Variants in PDE8B observed in about 807,000 individuals in gnomAD.
PDE8B encodes the protein high affinity cAMP-specific and IBMX-insensitive 3',5'-cyclic phosphodiesterase 8B.
Under a neutral mutation model 101.3 loss-of-function variants are expected in PDE8B, and 26 were observed. That is an observed-to-expected ratio of 0.26 (90% CI 0.19 to 0.36). PDE8B has a LOEUF of 0.36. PDE8B is among the 10% of genes least tolerant of loss of function. The pLI is 1.00. For missense variants in PDE8B, 810 were observed against 1,163.1 expected, an observed-to-expected ratio of 0.70 and a Z score of 4.42; for synonymous variants, 424 against 429.3, an observed-to-expected ratio of 0.99 and a Z score of 0.15.
At chr5:77,292,132 T>G in intron 1 of PDE8B, among the ~76,000 whole-genome samples, 1 of 152,110 alleles carries the variant, frequency 6.6e-6, no homozygotes, top group Non-Finnish European at 1.5e-5. Context: ...TAATGATGTA[T>G]TAAATTAAAC....
At chr5:77,096,345 C>G in the PDE8B span, among the ~76,000 whole-genome samples, 1 of 152,058 alleles carries the variant, frequency 6.6e-6, no homozygotes, top group Non-Finnish European at 1.5e-5. Flanking sequence ...CTTACCATTC[C>G]CTAGCTTCTG....
chr5:77,306,275 A>C (rs1316076791), intron 1 of PDE8B, among the ~76,000 whole-genome samples: 2 of 152,208 alleles, frequency 1.3e-5, no homozygotes, highest in Non-Finnish European at 2.9e-5. Context: ...ATGAAGTCTC[A>C]ATCTTCACTC....
At chr5:77,152,752 C>T in the PDE8B span, among the ~76,000 whole-genome samples, 2 of 152,034 alleles carry the variant, frequency 1.3e-5, no homozygotes, top group Non-Finnish European at 2.9e-5. Context: ...AGCCTGCCCA[C>T]CCAACCCTGC....
intron 10 of PDE8B, among the ~76,000 whole-genome samples, chr5:77,367,461 G>C (rs1181297965): frequency 6.6e-6 from 1 of 151,814 alleles, no homozygotes; most frequent in Admixed American, 6.6e-5. Flanking sequence ...TAGTCTTCCT[G>C]GTGATGACCT....
the PDE8B span, among the ~76,000 whole-genome samples, chr5:77,185,717 T>C: frequency 6.6e-6 from 1 of 152,118 alleles, no homozygotes; most frequent in Non-Finnish European, 1.5e-5. Flanking sequence ...ATCCATCTCC[T>C]CCTGTCCCCC....
chr5:77,169,747 G>A, the PDE8B span, among the ~76,000 whole-genome samples: 1 of 152,116 alleles, frequency 6.6e-6, no homozygotes, highest in Non-Finnish European at 1.5e-5. Context: ...CCTCCAGTTT[G>A]TCTTAGACAC....
chr5:77,119,826 A>G, the PDE8B span, among the ~76,000 whole-genome samples: 1 of 152,058 alleles, frequency 6.6e-6, no homozygotes, highest in African/African-American at 2.4e-5. Flanking sequence ...CCTGGGGAAC[A>G]TAGCAAGACC....
intron 8 of PDE8B, among the ~76,000 whole-genome samples, chr5:77,350,804 A>AGGGC (rs1185168545): frequency 6.6e-6 from 1 of 152,224 alleles, no homozygotes; most frequent in Non-Finnish European, 1.5e-5. Context: ...CAGCAGCCAT[A>AGGGC]GGGCTGAGAG....
At chr5:77,178,832 T>C in the PDE8B span, among the ~76,000 whole-genome samples, 4 of 152,338 alleles carry the variant, frequency 2.6e-5, no homozygotes, top group South Asian at 8.3e-4. Flanking sequence ...ATTTACCTCC[T>C]TTCAGTTTGT....
intron 17 of PDE8B, among the ~76,000 whole-genome samples, chr5:77,414,423 A>T (rs1397010726): frequency 6.6e-6 from 1 of 151,834 alleles, no homozygotes; most frequent in Middle Eastern, 3.2e-3. Flanking sequence ...CTTTTTTAAA[A>T]TTTTTTTATT....
intron 10 of PDE8B, among the ~76,000 whole-genome samples, chr5:77,375,314 A>G (rs1042638656): frequency 2.6e-5 from 4 of 152,220 alleles, no homozygotes; most frequent in African/African-American, 7.2e-5. Context: ...TGGAGGCACA[A>G]GATGAATCGC....
At chr5:77,362,709 C>T (rs1277598549) in intron 10 of PDE8B, among the ~76,000 whole-genome samples, 3 of 152,220 alleles carry the variant, frequency 2.0e-5, no homozygotes, top group African/African-American at 7.2e-5. Context: ...TCCCTGCCAC[C>T]TTCCCAAGTC....
chr5:77,139,532 C>G, the PDE8B span: 1 of 152,244 alleles, frequency 6.6e-6, no homozygotes, highest in Non-Finnish European at 1.5e-5. Context: ...GTCACTGTCA[C>G]TTCAAATATT....
In PDE8B at chr5:77,344,917, G is replaced by T; in HGVS notation, c.862G>T (p.Asp288Tyr). The change falls in exon 7 of 22, where the codon GAC becomes TAC. Residue 288 changes from aspartate to tyrosine, a missense_variant. By Grantham distance (160) the Asp-to-Tyr change is radical. This residue lies in a region of PDE8B where 251 missense variants were observed against 378.8 expected (regional missense o/e 0.66). Transcript: ENST00000264917. ...TGAAGCCATAGAAATAACAAGCGAT[G>T]ACCACGTGATTCAGGTATGGAAAGA... ...CHEAIEITSDDHVIQYVNPAF... is the reference protein window; with the variant it reads ...CHEAIEITSDYHVIQYVNPAF... 6.2e-7 allele frequency: 1 copy of T among 1,607,962 alleles called. No individual in the cohort carries two copies. The highest frequency in any genetic ancestry group is 1.1e-5 in the South Asian group (1 of 90,920).
chr5:77,300,354 C>T (rs1422541759), intron 1 of PDE8B, among the ~76,000 whole-genome samples: 1 of 152,196 alleles, frequency 6.6e-6, no homozygotes, highest in Non-Finnish European at 1.5e-5. Flanking sequence ...TCTTTTAGGA[C>T]TTACTTAACC....
the PDE8B span, among the ~76,000 whole-genome samples, chr5:77,182,569 T>G: frequency 6.6e-6 from 1 of 152,134 alleles, no homozygotes; most frequent in African/African-American, 2.4e-5. Flanking sequence ...AGCCCAGTCT[T>G]GCAGAGCTCA....
Position 77,302,392 on chromosome 5 carries a change from G to A in PDE8B, c.340-9602G>A, listed in dbSNP as rs543820127. The stretch of plus-strand genomic sequence containing the variant: ...AAGGAAGGAGAGGGCATGGGTAGGG[G>A]GCAGTGTAAGATGCTGTGCTGGAAA... On this transcript the variant is annotated intron_variant, in intron 1 of 21. Transcript: ENST00000264917. Among the ~76,000 whole-genome samples the A allele has an allele frequency of 1.4e-4, 22 of 152,268 alleles. No individual in the cohort carries two copies. The South Asian group carries it at 4.4e-3, about 30-fold the overall frequency.
At chr5:77,221,310 A>G (rs1201381793) in intron 1 of PDE8B, among the ~76,000 whole-genome samples, 2 of 152,112 alleles carry the variant, frequency 1.3e-5, no homozygotes, top group African/African-American at 4.8e-5. Context: ...TTGTTTGTTG[A>G]GGAACCTGGG....
At chr5:77,216,593 A>C (rs12153049) in intron 1 of PDE8B, among the ~76,000 whole-genome samples, 51,558 of 152,046 alleles carry the variant, frequency 0.34, 8,944 homozygotes, top group African/African-American at 0.38. Flanking sequence ...AGATTTGGGT[A>C]GGGACACAGC....
Sources: allele counts gnomAD v4.1 joint callset (sites outside exome capture counted in the v4.1 genomes callset), GRCh38; gene constraint gnomAD v4.1.1; regional missense constraint gnomAD v4.1.1; transcripts MANE v1.5; gene names NCBI Gene and HGNC (gene_info 2026-07-23, HGNC 2026-07-21).